The following ADGRF1 variants were observed in gnomAD, a reference collection of about 807,000 sequenced individuals.
ADGRF1 encodes the protein adhesion G protein-coupled receptor F1.
Under a neutral mutation model 87.2 loss-of-function variants are expected in ADGRF1, and 85 were observed. The ratio of observed to expected loss-of-function variants is 0.97; its 90% CI spans 0.82 to 1.17. The LOEUF (loss-of-function observed/expected upper bound fraction) is 1.17. Among genes scored for constraint, ADGRF1 ranks in the 50% most tolerant of loss-of-function variants. The pLI, the probability that ADGRF1 is intolerant of heterozygous loss-of-function variation, is 0.00. For missense variants in ADGRF1, 1,169 were observed against 1,077.2 expected (o/e 1.09, Z -1.19); for synonymous variants, 430 against 408.8 (o/e 1.05, Z -0.63).
At chr6:47,031,386 T>C (rs575908228) in intron 1 of ADGRF1, among the ~76,000 whole-genome samples, 44 of 141,198 alleles carry the variant, frequency 3.1e-4, no homozygotes, top group African/African-American at 1.1e-3. Context: ...TCTCTCTCTC[T>C]CCTTGAAAAA....
At chr6:47,029,483 C>G (rs985492072) in intron 1 of ADGRF1, among the ~76,000 whole-genome samples, 1 of 152,106 alleles carries the variant, frequency 6.6e-6, no homozygotes, top group Non-Finnish European at 1.5e-5. Context: ...ACCAAAGACT[C>G]TGTAAACCAT....
intron 7 of ADGRF1, chr6:47,020,421 G>A (rs1403577386): frequency 1.3e-5 from 13 of 983,846 alleles, no homozygotes; most frequent in African/African-American, 5.0e-5. Context: ...TCTTGAACCC[G>A]GTAGGCAGAG....
chr6:47,007,822 G>C (rs1779575801), intron 11 of ADGRF1, among the ~76,000 whole-genome samples: 5 of 152,154 alleles, frequency 3.3e-5, no homozygotes, highest in Admixed American at 2.6e-4. Context: ...TGCTTGTTCA[G>C]ACAGTGTATC....
rs1780068414 is a variant in ADGRF1, at chr6:47,021,983, T to G, written c.527A>C (p.Lys176Thr). Reference sequence around the variant, plus strand: ...TTGAATTTCAATTCCATTTGCATATTTGGAGTATATAGCAGAAGATGAATT... The same window carrying G: ...TTGAATTTCAATTCCATTTGCATATGTGGAGTATATAGCAGAAGATGAATT... ...LLNSSSAIYS[K>T]YANGIEIQLK... Residue 176 changes from lysine (K) to threonine (T), a missense_variant, in exon 6 of 15, where the codon AAA (lysine) becomes ACA (threonine). Transcript: ENST00000371253. The G allele has an allele frequency of 9.5e-6, 15 of 1,587,212 alleles. No individual in the cohort carries two copies. The highest frequency in any genetic ancestry group is 1.2e-5 in the Non-Finnish European group (14 of 1,164,218).
chr6:47,024,130 C>A lies in ADGRF1; in HGVS notation c.365G>T (p.Cys122Phe), dbSNP rs767171589. 6.8e-6 allele frequency: 11 copies of A among 1,614,032 alleles called. No individual in the cohort carries two copies. The East Asian group carries it at 2.2e-4, about 33-fold the overall frequency. The change falls in exon 5 of 15, where the codon TGC (cysteine) becomes TTC (phenylalanine). Residue 122 changes from cysteine (C) to phenylalanine (F), a missense_variant. Coordinates refer to ENST00000371253, the MANE Select transcript of ADGRF1 (RefSeq NM_153840.4). Reference sequence around the variant, plus strand: ...GAGTGCTCCAGCCGTGTGAAGGTAGCAGTTCTGGGGATCAAGGCATGAGGG... The same window carrying A: ...GAGTGCTCCAGCCGTGTGAAGGTAGAAGTTCTGGGGATCAAGGCATGAGGG... Reference protein sequence around the residue: ...FPPSCLDPQNCYLHTAGALPS... With the variant: ...FPPSCLDPQNFYLHTAGALPS...
chr6:47,010,016 T>G lies in ADGRF1; in HGVS notation c.1419A>C (p.Arg473Ser). 1.2e-6 allele frequency: 2 copies of G among 1,614,102 alleles called. No individual in the cohort carries two copies. Among genetic ancestry groups the G allele is most frequent in the Non-Finnish European group, 1.7e-6 (2 of 1,179,994 alleles). The change falls in exon 11 of 15, where the codon AGA becomes AGC. Residue 473 changes from arginine (R) to serine (S), a missense_variant. Physicochemically the swap from Arg to Ser is moderately radical, Grantham distance 110 (BLOSUM62 -1). Coordinates refer to ENST00000371253, the MANE Select transcript of ADGRF1 (RefSeq NM_153840.4). ...RVLIGSDQFQ[R>S]SLPETIISMA... ...TGCTGATAATAGTTTCTGGAAGGGA[T>G]CTCTGGAATTGGTCTGACCCAATTA...
Position 47,029,005 on chromosome 6 carries a change from A to T in ADGRF1, c.57T>A (p.Gly19=). ...ISFFTFTDGH[G]GFLGKNDGIK... ...AGCACCAACTCACCCCCAGGAAGCC[A>T]CCGTGGCCGTCAGTGAAGGTGAAGA... The change falls in exon 2 of 15, where the codon GGT becomes GGA. Residue 19 remains glycine, a synonymous_variant. Coordinates refer to ENST00000371253, the MANE Select transcript of ADGRF1 (RefSeq NM_153840.4). 6.2e-7 allele frequency: 1 copy of T among 1,614,054 alleles called. No individual in the cohort carries two copies.
chr6:47,012,055 T>C lies in ADGRF1; in HGVS notation c.1068A>G (p.Ser356=), dbSNP rs1779723542. The C allele has an allele frequency of 2.5e-6, 4 of 1,613,906 alleles. No individual in the cohort carries two copies. The highest frequency in any genetic ancestry group is 3.4e-6 in the Non-Finnish European group (4 of 1,179,958). The change falls in exon 10 of 15, where the codon TCA becomes TCG. Residue 356 remains serine (S), a synonymous_variant. Transcript: ENST00000371253. ...TGAAATGGCTGGCCAGTGACAGAGA[T>C]GAAATATTGCTCAGAATCGACACCA... The part of the protein sequence containing the change: ...ASVVSILSNI[S]SLSLASHFRV...
At chr6:47,001,474 A>G (rs776527566) in intron 14 of ADGRF1, 27 bp downstream of exon 14, 3 of 1,600,078 alleles carry the variant, frequency 1.9e-6, no homozygotes, top group Non-Finnish European at 1.7e-6. Flanking sequence ...CACACCTTTT[A>G]TAACCTTTGG....
intron 10 of ADGRF1, 85 bp from the exon 11 acceptor site, chr6:47,010,403 T>C (rs1779671541): frequency 8.9e-7 from 1 of 1,128,086 alleles, no homozygotes; most frequent in Non-Finnish European, 1.2e-6. Flanking sequence ...GCATTAAGAA[T>C]AGGAAAAATG....
intron 1 of ADGRF1, among the ~76,000 whole-genome samples, chr6:47,033,580 TGTCC>T (rs1423573826): frequency 1.3e-5 from 2 of 152,274 alleles, no homozygotes. Context: ...GTCTCTTTCC[TGTCC>T]GTCTTGGCCT....
chr6:47,024,320 C>T (rs1390612264), intron 4 of ADGRF1, 103 bp from the exon 5 acceptor site: 2 of 827,906 alleles, frequency 2.4e-6, no homozygotes, highest in African/African-American at 1.7e-5. Context: ...AGATTAACTT[C>T]CTACATCTTC....
intron 1 of ADGRF1, among the ~76,000 whole-genome samples, chr6:47,037,986 G>A (rs767314531): frequency 2.0e-5 from 3 of 152,002 alleles, no homozygotes; most frequent in East Asian, 1.9e-4. Flanking sequence ...TCAGCCTCCC[G>A]AGTACCTGGG....
In ADGRF1 at chr6:47,012,039, TG is replaced by T; in HGVS notation, c.1083del (p.Ser362AlafsTer16). ...GTTGAATTGGACACCCTGAAATGGCTGGCCAGTGACAGAGATGAAATATTGC... is the reference window on the plus strand; with the variant it reads ...GTTGAATTGGACACCCTGAAATGGCTGCCAGTGACAGAGATGAAATATTGC... ...ILSNISSLSL[A>X]SHFRVSNSTM... On this transcript the variant is annotated frameshift_variant, in exon 10 of 15. Transcript: ENST00000371253. LOFTEE classifies it high-confidence loss of function. The T allele has an allele frequency of 6.2e-7, 1 of 1,613,994 alleles. No homozygotes were observed. The highest frequency in any genetic ancestry group is 8.5e-7 in the Non-Finnish European group (1 of 1,179,936).
At chr6:47,012,824 C>T (rs1349853297) in intron 9 of ADGRF1, 15 of 950,124 alleles carry the variant, frequency 1.6e-5, no homozygotes, top group African/African-American at 1.8e-5. Flanking sequence ...GGCTGGAGTG[C>T]GGTGGCATGA....
Position 47,024,032 on chromosome 6 carries a change from T to G in ADGRF1, c.451+12A>C. 6.2e-7 allele frequency: 1 copy of G among 1,611,988 alleles called. No homozygotes were observed. The highest frequency in any genetic ancestry group is 8.5e-7 in the Non-Finnish European group (1 of 1,178,728). On this transcript the variant is annotated intron_variant, in intron 5 of 14. Coordinates refer to ENST00000371253, the MANE Select transcript of ADGRF1 (RefSeq NM_153840.4). Reference sequence around the variant, plus strand: ...GGAGAAGCCCCAGCCCAGAGCATTCTTAGTTGCTTACTTGTTCTCTCACAG... The same window carrying G: ...GGAGAAGCCCCAGCCCAGAGCATTCGTAGTTGCTTACTTGTTCTCTCACAG...
Position 47,009,895 on chromosome 6 carries a change from A to T in ADGRF1, c.1540T>A (p.Ser514Thr). 1 of 1,614,064 alleles carries T rather than the reference A, an allele frequency of 6.2e-7. No homozygotes were observed. Among genetic ancestry groups the T allele is most frequent in the South Asian group, 1.1e-5 (1 of 91,078 alleles). Residue 514 changes from serine to threonine, a missense_variant, in exon 11 of 15, where the codon TCC (serine) becomes ACC (threonine). Transcript: ENST00000371253. ...AAAAATAGGAAAACTTCATTTATGG[A>T]ATAGTTTTGAATAACCGTGGATATC... ...PVISTVIQNY[S>T]INEVFLFFSK... is the part of the protein sequence containing the mutation.
rs1021417385 is a variant in ADGRF1 at position 46,998,561 on chromosome 6, G to A, written c.*1661C>T. 6 of 152,346 alleles carry A rather than the reference G, an allele frequency of 3.9e-5. No individual in the cohort carries two copies. Among genetic ancestry groups the A allele is most frequent in the East Asian group, 3.9e-4 (2 of 5,180 alleles). The allele number at this position is 152,346 out of a possible 1,614,324, so 9.4% of individuals were successfully genotyped here. A position where few individuals can be genotyped will look rare whatever the true frequency, so the allele number is the denominator to read the frequency against. ...AGAACTCATTCAGGGCTCTACTACC[G>A]GAGCTGTGGCCACAATTCTAGGCAA... On this transcript the variant is annotated 3_prime_UTR_variant, in exon 15 of 15. Transcript: ENST00000371253.
At position 47,009,565 on chromosome 6, in the gene ADGRF1, G is replaced by T; in HGVS notation, c.1870C>A (p.Arg624Ser). 6.2e-7 allele frequency: 1 copy of T among 1,614,120 alleles called. No individual in the cohort carries two copies. Among genetic ancestry groups the T allele is most frequent in the Non-Finnish European group, 8.5e-7 (1 of 1,180,012 alleles). The change falls in exon 11 of 15, where the codon CGT becomes AGT. Residue 624 changes from arginine (R) to serine (S), a missense_variant. Physicochemically the swap from Arg to Ser is moderately radical, Grantham distance 110 (BLOSUM62 -1). Coordinates refer to ENST00000371253, the MANE Select transcript of ADGRF1 (RefSeq NM_153840.4). Reference sequence around the variant, plus strand: ...AGGGCTATGTTCACCATGCAAATACGACGTGTGTGAGAGGTTTGGCTTTTT... The same window carrying T: ...AGGGCTATGTTCACCATGCAAATACTACGTGTGTGAGAGGTTTGGCTTTTT... ...IKKSQTSHTR[R>S]ICMVNIALSL...
Sources: allele counts gnomAD v4.1 joint callset (sites outside exome capture counted in the v4.1 genomes callset), GRCh38; gene constraint gnomAD v4.1.1; transcripts MANE v1.5; gene names NCBI Gene and HGNC (gene_info 2026-07-23, HGNC 2026-07-21).